UBA1: variants seen among roughly 807,000 people sequenced by gnomAD.
UBA1 encodes ubiquitin-like modifier-activating enzyme 1.
UBA1 carries 4 observed loss-of-function variants against 84.7 expected under a neutral mutation model. That is an observed-to-expected ratio of 0.05 (90% CI 0.02 to 0.11). The LOEUF (loss-of-function observed/expected upper bound fraction) is 0.11. Among genes scored for constraint, UBA1 ranks in the 10% least tolerant of loss-of-function variants. The pLI is 1.00. For synonymous variants in UBA1, 364 were observed against 362.6 expected, an observed-to-expected ratio of 1.00 and a Z score of -0.04; for missense variants, 513 against 902.8, an observed-to-expected ratio of 0.57 and a Z score of 5.53.
chrX:47,212,949 G>A lies in UBA1; in HGVS notation c.2647-41G>A, dbSNP rs782366918. ...CCCCTCTGTAGACCCTGAGGCTCTT[G>A]TACTTAACTACCACCTTCTTTTGTC... On this transcript the variant is annotated intron_variant, in intron 22 of 25. Coordinates refer to ENST00000335972, the MANE Select transcript of UBA1 (RefSeq NM_003334.4). The A allele has an allele frequency of 2.5e-6, 3 of 1,208,766 alleles. No homozygotes were observed. The African/African-American group carries it at 5.3e-5, about 21-fold the overall frequency.
chrX:47,207,674 A>C (rs1936731011), intron 16 of UBA1, among the ~76,000 whole-genome samples: 1 of 111,118 alleles, frequency 9.0e-6, no homozygotes, highest in Admixed American at 9.5e-5. Context: ...AAAATAGGGA[A>C]GGGAAAAAAA....
chrX:47,197,050 A>C (rs1936227778), intron 1 of UBA1: 3 of 716,350 alleles, frequency 4.2e-6, no homozygotes, highest in Middle Eastern at 8.1e-4. Context: ...AGTAAATGGA[A>C]AATATGGTTC....
At chrX:47,190,874 GGTGGTTTGCTCTTCCGTTGCCCC>G (rs1556784166), upstream of UBA1, 1 of 112,955 alleles carries the variant, frequency 8.9e-6, no homozygotes, top group East Asian at 2.8e-4. Context: ...GTACGACAGA[GGTGGTTTGCTCTTCCGTTGCCCC>G]GTGGCTTCAG....
intron 2 of UBA1, 37 bp downstream of exon 2, chrX:47,198,956 GGT>G (rs1416175435): frequency 3.3e-6 from 4 of 1,204,627 alleles, no homozygotes; most frequent in Non-Finnish European, 4.5e-6. Flanking sequence ...CAGACGAGGT[GGT>G]GGGTGGGAAA....
chrX:47,204,373 T>G (rs1294535538), intron 14 of UBA1, among the ~76,000 whole-genome samples: 1 of 109,446 alleles, frequency 9.1e-6, no homozygotes, highest in Admixed American at 9.7e-5. Flanking sequence ...CCAGCGGGAG[T>G]TAAACAAGGC....
At chrX:47,214,450 G>A in intron 24 of UBA1, 22 bp downstream of exon 24, 1 of 1,205,046 alleles carries the variant, frequency 8.3e-7, no homozygotes, top group Non-Finnish European at 1.1e-6. Flanking sequence ...CCCTTACTCT[G>A]TCACCCCACC....
chrX:47,207,706 T>TCTC (rs1244748515), intron 16 of UBA1, among the ~76,000 whole-genome samples: 1 of 111,757 alleles, frequency 8.9e-6, no homozygotes, highest in African/African-American at 3.3e-5. Flanking sequence ...TCTGTCACTT[T>TCTC]CTCCCTTCTG....
At chrX:47,213,604 G>A (rs1467069011) in intron 23 of UBA1, among the ~76,000 whole-genome samples, 3 of 112,444 alleles carry the variant, frequency 2.7e-5, no homozygotes, top group East Asian at 2.8e-4. Context: ...GGTGGCTTAC[G>A]CCTGTAATCC....
Position 47,212,995 on chromosome X carries a change from G to A in UBA1, c.2652G>A (p.Lys884=). The change falls in exon 23 of 26, where the codon AAG becomes AAA. Residue 884 remains lysine, a synonymous_variant. Transcript: ENST00000335972. ...TTGTCCCTTCTGTCTCTCAGAGCAA[G>A]CTGATTGCAGGGAAGATCATCCCAG... ...DIPSADRHKS[K]LIAGKIIPAI... 3 of 1,211,983 alleles carry A rather than the reference G, an allele frequency of 2.5e-6. No individual in the cohort carries two copies. In the East Asian group the frequency reaches 8.9e-5, roughly 36 times the overall value.
chrX:47,194,757 ACT>A (rs1419925837), intron 1 of UBA1, among the ~76,000 whole-genome samples: 2 of 110,289 alleles, frequency 1.8e-5, no homozygotes, highest in African/African-American at 6.6e-5. Context: ...GCCTTGAGAG[ACT>A]CTTCAATTCC....
Position 47,202,732 on chromosome X carries a change from G to A in UBA1, c.1151G>A (p.Arg384Gln), listed in dbSNP as rs781909775. The change falls in exon 11 of 26, where the codon CGG becomes CAG. Residue 384 changes from arginine (R) to glutamine (Q), a missense_variant. Around this residue, in one of 6 missense-constraint regions of UBA1, gnomAD observed 227 missense variants for 339.1 expected, o/e 0.67. Coordinates refer to ENST00000335972, the MANE Select transcript of UBA1 (RefSeq NM_003334.4). The part of the protein sequence containing the change: ...QQNNLDEDLI[R>Q]KLAYVAAGDL... The stretch of plus-strand genomic sequence containing the variant: ...AATAACCTGGACGAGGACCTCATCC[G>A]GAAGCTGGCATATGTGGCTGCTGGG... 5.0e-6 allele frequency: 6 copies of A among 1,211,031 alleles called. No homozygotes were observed. In the Admixed American group the frequency reaches 1.3e-4, roughly 26 times the overall value.
upstream of UBA1, chrX:47,191,571 G>A (rs991864551): frequency 7.2e-5 from 8 of 111,868 alleles, no homozygotes; most frequent in African/African-American, 2.3e-4. Context: ...TAATAAGGTG[G>A]GGCTGTGGTA....
chrX:47,195,876 C>T (rs1936188893), intron 1 of UBA1, among the ~76,000 whole-genome samples: 1 of 110,937 alleles, frequency 9.0e-6, no homozygotes, highest in Non-Finnish European at 1.9e-5. Flanking sequence ...ATACACCTCT[C>T]CTCTTGCATG....
chrX:47,214,578 G>T lies in UBA1; in HGVS notation c.2982G>T (p.Val994=), dbSNP rs782156608. The T allele has an allele frequency of 6.5e-5, 79 of 1,209,360 alleles. 1 individual carries two copies. The South Asian group carries it at 1.1e-3, about 17-fold the overall frequency. The change falls in exon 25 of 26, where the codon GTG becomes GTT. Residue 994 remains valine (V), a synonymous_variant. Transcript: ENST00000335972. Reference sequence around the variant, plus strand: ...AGATCACCATGCTGTCCCAGGGCGTGTCCATGCTCTATTCCTTCTTCATGC... The same window carrying T: ...AGATCACCATGCTGTCCCAGGGCGTTTCCATGCTCTATTCCTTCTTCATGC... ...KLEITMLSQG[V]SMLYSFFMPA...
At chrX:47,198,765 T>C (rs1936295275) in intron 1 of UBA1, 38 bp from the exon 2 acceptor site, 4 of 1,176,159 alleles carry the variant, frequency 3.4e-6, no homozygotes, top group Non-Finnish European at 3.5e-6. Context: ...ACGGTACCCA[T>C]GTGCTCCAGG....
At chrX:47,203,752 T>TC (rs1936518267) in intron 14 of UBA1, 56 bp downstream of exon 14, 11 of 1,109,003 alleles carry the variant, frequency 9.9e-6, no homozygotes, top group East Asian at 3.1e-5. Flanking sequence ...TTTTTCTTTT[T>TC]TTTTTTTTTT....
rs577834810 is a variant in UBA1, at chrX:47,210,340, G to A, written c.2199+217G>A. Among the ~76,000 whole-genome samples, 9 of 111,840 alleles carry A rather than the reference G, an allele frequency of 8.0e-5. No individual in the cohort carries two copies. The South Asian group carries it at 1.5e-3, about 18-fold the overall frequency. On this transcript the variant is annotated intron_variant, in intron 18 of 25. Transcript: ENST00000335972. ...TGCCCTTGACTGTGGTGTGGGCTGC[G>A]TCATACCTGATTCCCAGTCAGGGCT...
Position 47,214,397 on chromosome X carries a change from T to G in UBA1, c.2909T>G (p.Met970Arg). The G allele has an allele frequency of 2.5e-6, 3 of 1,210,915 alleles. No homozygotes were observed. The highest frequency in any genetic ancestry group is 3.4e-6 in the Non-Finnish European group (3 of 895,193). The stretch of plus-strand genomic sequence containing the variant: ...GGGCTGCAGCCTAATGGTGAGGAGA[T>G]GACCCTCAAACAGTTCCTCGACTAT... ...VQGLQPNGEE[M>R]TLKQFLDYFK... Residue 970 changes from methionine (M) to arginine (R), a missense_variant, in exon 24 of 26, where the codon ATG becomes AGG. Transcript: ENST00000335972.
Position 47,212,838 on chromosome X carries a change from A to G in UBA1, c.2621A>G (p.Asp874Gly). Reference sequence around the variant, plus strand: ...TCCAACCTCCGGGCAGAAAACTATGACATTCCTTCTGCAGACCGGCACAAG... The same window carrying G: ...TCCAACCTCCGGGCAGAAAACTATGGCATTCCTTCTGCAGACCGGCACAAG... ...AASNLRAENY[D>G]IPSADRHKSK... is the part of the protein sequence containing the mutation. The change falls in exon 22 of 26, where the codon GAC becomes GGC. Residue 874 changes from aspartate to glycine, a missense_variant. Transcript: ENST00000335972. 1.7e-6 allele frequency: 2 copies of G among 1,211,666 alleles called. No homozygotes were observed. Among genetic ancestry groups the G allele is most frequent in the South Asian group, 3.5e-5 (2 of 56,976 alleles).
Sources: gnomAD v4.1 joint callset for allele counts (sites outside exome capture counted in the v4.1 genomes callset) on GRCh38, gnomAD v4.1.1 for gene constraint, gnomAD v4.1.1 regional missense constraint, MANE v1.5 for transcripts, NCBI Gene and HGNC (gene_info 2026-07-23, HGNC 2026-07-21) for gene names.